Variants in NPFFR2 observed in about 807,000 individuals in gnomAD.
The protein encoded by NPFFR2 is neuropeptide FF receptor 2, also known as G-protein coupled receptor 74.
Under a neutral mutation model 13.1 loss-of-function variants are expected in NPFFR2, and 15 were observed. The ratio of observed to expected loss-of-function variants is 1.15; its 90% confidence interval spans 0.77 to 1.76. The LOEUF is 1.76. NPFFR2 is among the 40% of genes most tolerant of loss of function. The probability of loss-of-function intolerance (pLI) is 0.00; values close to 1 mark genes in which losing one functional copy is unlikely to be tolerated. For synonymous variants in NPFFR2, 190 were observed against 175.7 expected, an observed-to-expected ratio of 1.08 and a Z score of -0.65; for missense variants, 572 against 503.5, an observed-to-expected ratio of 1.14 and a Z score of -1.30.
chr4:72,133,332 G>T (rs1320207318), intron 2 of NPFFR2, among the ~76,000 whole-genome samples: 2 of 152,118 alleles, frequency 1.3e-5, no homozygotes, highest in Non-Finnish European at 1.5e-5. Context: ...GCATGGATTT[G>T]TTTCTGGGTT....
chr4:72,083,063 G>T (rs994228361), intron 1 of NPFFR2, among the ~76,000 whole-genome samples: 2 of 151,990 alleles, frequency 1.3e-5, no homozygotes, highest in Non-Finnish European at 2.9e-5. Flanking sequence ...ATATGTGTGT[G>T]TGTGTATAAA....
chr4:72,079,948 A>C (rs1323628799), intron 1 of NPFFR2, among the ~76,000 whole-genome samples: 1 of 152,298 alleles, frequency 6.6e-6, no homozygotes, highest in African/African-American at 2.4e-5. Flanking sequence ...GGGAAAAGAA[A>C]CCAACTTCCC....
intron 1 of NPFFR2, among the ~76,000 whole-genome samples, chr4:72,123,166 AGAAATGGATAC>A (rs1345864746): frequency 2.6e-5 from 4 of 152,242 alleles, no homozygotes; most frequent in Middle Eastern, 3.2e-3. Context: ...AAAATCTAGA[AGAAATGGATAC>A]ATTCCTGGAC....
intron 1 of NPFFR2, among the ~76,000 whole-genome samples, chr4:72,119,866 C>G (rs369160758): frequency 2.0e-4 from 31 of 152,286 alleles, no homozygotes; most frequent in African/African-American, 7.2e-4. Flanking sequence ...TGGGCAGACA[C>G]CCAGCTAGCT....
chr4:72,138,914 C>G (rs112690791), intron 3 of NPFFR2, among the ~76,000 whole-genome samples: 138 of 152,284 alleles, frequency 9.1e-4, no homozygotes, highest in African/African-American at 3.2e-3. Context: ...CACACCCTCT[C>G]CAGCATCTGT....
At chr4:72,060,351 AC>A (rs1417614993) in intron 1 of NPFFR2, among the ~76,000 whole-genome samples, 4 of 151,970 alleles carry the variant, frequency 2.6e-5, no homozygotes, top group Non-Finnish European at 5.9e-5. Flanking sequence ...TAATCAAGGA[AC>A]CTCTTTCAAT....
At chr4:72,083,009 C>A (rs1400992838) in intron 1 of NPFFR2, among the ~76,000 whole-genome samples, 4 of 152,014 alleles carry the variant, frequency 2.6e-5, no homozygotes, top group African/African-American at 9.7e-5. Flanking sequence ...AAAAACAAAA[C>A]CTGAATAGTA....
At position 72,064,055 on chromosome 4, in the gene NPFFR2, A is replaced by G. The variant is rs543398670; in HGVS notation, c.-8+31855A>G. Among the ~76,000 whole-genome samples the G allele has an allele frequency of 3.9e-5, 6 of 152,352 alleles. No homozygotes were observed. In the South Asian group the frequency reaches 1.2e-3, roughly 32 times the overall value. On this transcript the variant is annotated intron_variant, in intron 1 of 3. Transcript: ENST00000308744. Reference sequence around the variant, plus strand: ...TAGGGATGTGAATGAGTGAGTCACAATGGAAAATTCCACCCACCAGGAACA... The same window carrying G: ...TAGGGATGTGAATGAGTGAGTCACAGTGGAAAATTCCACCCACCAGGAACA...
chr4:72,080,150 GTT>G (rs761793741), intron 1 of NPFFR2, among the ~76,000 whole-genome samples: 2,000 of 32,602 alleles, frequency 0.061, 57 homozygotes, highest in African/African-American at 0.089. Context: ...TGTTGTTGTT[GTT>G]GTTGTTTTTT....
At chr4:72,099,888 C>T (rs1721190584) in intron 1 of NPFFR2, among the ~76,000 whole-genome samples, 1 of 152,078 alleles carries the variant, frequency 6.6e-6, no homozygotes, top group Non-Finnish European at 1.5e-5. Context: ...CACAGAAACA[C>T]ACAAGGGGCC....
intron 1 of NPFFR2, among the ~76,000 whole-genome samples, chr4:72,083,926 G>A (rs999412599): frequency 2.0e-5 from 3 of 150,410 alleles, no homozygotes; most frequent in African/African-American, 7.3e-5. Context: ...GAGCGTGTTT[G>A]CTTGCTCTCT....
At position 72,050,882 on chromosome 4, in the gene NPFFR2, G is replaced by A. The variant is rs1465306664; in HGVS notation, c.-8+18682G>A. Among the ~76,000 whole-genome samples, 7 of 151,378 alleles carry A rather than the reference G, an allele frequency of 4.6e-5. No individual in the cohort carries two copies. The East Asian group carries it at 9.8e-4, about 21-fold the overall frequency. ...TGCGGTGTTTGGTTTTTGTTCTTGCGATAGTTTACTGAGAATGATGATTTC... is the reference window on the plus strand; with the variant it reads ...TGCGGTGTTTGGTTTTTGTTCTTGCAATAGTTTACTGAGAATGATGATTTC... On this transcript the variant is annotated intron_variant, in intron 1 of 3. Transcript: ENST00000308744.
Position 72,121,910 on chromosome 4 carries a change from TTAAA to T in NPFFR2, c.-7-6673_-7-6670del, listed in dbSNP as rs1184346270. ...AAATTCACACATATCAATATTAACC[TTAAA>T]TGTAAATGGGCTAAATGCCCCAAGT... is the stretch of plus-strand genomic sequence containing the variant. On this transcript the variant is annotated intron_variant, in intron 1 of 3. Coordinates refer to ENST00000308744, the MANE Select transcript of NPFFR2 (RefSeq NM_004885.3). 3.9e-5 allele frequency among the ~76,000 whole-genome samples: 6 copies of T among 152,170 alleles called. No homozygotes were observed. In the East Asian group the frequency reaches 7.7e-4, roughly 20 times the overall value.
intron 1 of NPFFR2, among the ~76,000 whole-genome samples, chr4:72,108,374 GTCT>G: frequency 6.6e-6 from 1 of 152,058 alleles, no homozygotes; most frequent in South Asian, 2.1e-4. Flanking sequence ...TCAATCATCA[GTCT>G]TCTTTTCATT....
intron 1 of NPFFR2, among the ~76,000 whole-genome samples, chr4:72,035,646 T>C (rs1719023242): frequency 6.6e-6 from 1 of 152,180 alleles, no homozygotes; most frequent in Non-Finnish European, 1.5e-5. Context: ...GGCTGTATAA[T>C]GACCATCAGA....
intron 1 of NPFFR2, among the ~76,000 whole-genome samples, chr4:72,064,669 A>G (rs1720015459): frequency 6.6e-6 from 1 of 152,186 alleles, no homozygotes; most frequent in Non-Finnish European, 1.5e-5. Flanking sequence ...TGGTAAAAGT[A>G]ATTCCATCCA....
intron 1 of NPFFR2, among the ~76,000 whole-genome samples, chr4:72,051,810 G>A (rs1190412470): frequency 1.3e-5 from 2 of 151,756 alleles, no homozygotes; most frequent in Non-Finnish European, 2.9e-5. Flanking sequence ...TGATAAAGGG[G>A]ATATCACCAC....
intron 1 of NPFFR2, among the ~76,000 whole-genome samples, chr4:72,089,988 T>C (rs1720872671): frequency 6.6e-6 from 1 of 152,130 alleles, no homozygotes; most frequent in African/African-American, 2.4e-5. Flanking sequence ...CTATCTTGAT[T>C]TGATTTTTGT....
intron 3 of NPFFR2, among the ~76,000 whole-genome samples, chr4:72,141,837 C>G (rs942975863): frequency 6.6e-6 from 1 of 152,126 alleles, no homozygotes; most frequent in Admixed American, 6.5e-5. Flanking sequence ...TCTCATTGAT[C>G]TGTCTAATAT....
Sources: allele counts gnomAD v4.1 joint callset (sites outside exome capture counted in the v4.1 genomes callset), GRCh38; gene constraint gnomAD v4.1.1; transcripts MANE v1.5; gene names NCBI Gene and HGNC (gene_info 2026-07-23, HGNC 2026-07-21).